Variants in ARHGAP21 observed in about 807,000 individuals in gnomAD.
ARHGAP21 encodes the protein Rho GTPase activating protein 21, also known as rho GTPase-activating protein 21.
ARHGAP21 carries 38 observed loss-of-function variants against 164.6 expected under a neutral mutation model. The observed-to-expected ratio is 0.23, with a 90% CI of 0.18 to 0.30. The LOEUF (loss-of-function observed/expected upper bound fraction) is 0.30. Among genes scored for constraint, ARHGAP21 ranks in the 10% least tolerant of loss-of-function variants. ARHGAP21 has a pLI of 1.00. For missense variants in ARHGAP21, 1,822 were observed against 2,370.7 expected (o/e 0.77, Z 4.81); for synonymous variants, 766 against 857.9 (o/e 0.89, Z 1.87).
intron 9 of ARHGAP21, among the ~76,000 whole-genome samples, chr10:24,617,319 A>G (rs1048354612): frequency 3.9e-5 from 6 of 152,178 alleles, no homozygotes; most frequent in Admixed American, 2.0e-4. Context: ...ATCTGATTAT[A>G]TTGTTGTTAT....
Position 24,620,299 on chromosome 10 carries a change from A to G in ARHGAP21, c.1596T>C (p.Thr532=). 2 of 1,613,972 alleles carry G rather than the reference A, an allele frequency of 1.2e-6. No individual in the cohort carries two copies. The highest frequency in any genetic ancestry group is 8.5e-7 in the Non-Finnish European group (1 of 1,179,868). ...AAATACCTCGTCTATCATCCTGTTCAGTAAACCCACTCCACTTGTAAGTCT... is the reference window on the plus strand; with the variant it reads ...AAATACCTCGTCTATCATCCTGTTCGGTAAACCCACTCCACTTGTAAGTCT... ...KKQTYKWSGF[T]EQDDRRGICE... Residue 532 remains threonine, a synonymous_variant, in exon 9 of 26, where the codon ACT becomes ACC. Transcript: ENST00000396432.
intron 16 of ARHGAP21, 47 bp from the exon 17 acceptor site, chr10:24,596,929 A>T (rs773345606): frequency 1.9e-5 from 30 of 1,566,968 alleles, no homozygotes; most frequent in Non-Finnish European, 2.4e-5. Flanking sequence ...AATGGAAATG[A>T]GTGTCTAAAT....
chr10:24,643,087 A>G (rs1304704588), intron 4 of ARHGAP21, among the ~76,000 whole-genome samples: 3 of 152,214 alleles, frequency 2.0e-5, no homozygotes, highest in African/African-American at 7.2e-5. Flanking sequence ...GGTGTCGGAC[A>G]TGAATCAAAA....
At chr10:24,707,239 A>C (rs763412380) in intron 2 of ARHGAP21, among the ~76,000 whole-genome samples, 2 of 152,226 alleles carry the variant, frequency 1.3e-5, no homozygotes, top group Non-Finnish European at 2.9e-5. Flanking sequence ...GAGGCTAAAG[A>C]CTTATCCTTT....
At chr10:24,619,424 G>T in intron 9 of ARHGAP21, 49 bp downstream of exon 9, 3 of 1,518,200 alleles carry the variant, frequency 2.0e-6, no homozygotes, top group South Asian at 1.3e-5. Context: ...TTTCTGGAAA[G>T]ATTTCTTATA....
Position 24,584,684 on chromosome 10 carries a change from C to G in ARHGAP21, c.5605G>C (p.Glu1869Gln). The G allele has an allele frequency of 3.7e-6, 6 of 1,613,968 alleles. No individual in the cohort carries two copies. Among genetic ancestry groups the G allele is most frequent in the Middle Eastern group, 1.7e-4 (1 of 6,056 alleles). ...TTCTCTGTCTGGGGATCTCCGATTT[C>G]TCCTCTGCTAAGGTCAGAGGTACTG... Reference protein sequence around the residue: ...RTSTSDLSRGEIGDPQTENPS... With the variant: ...RTSTSDLSRGQIGDPQTENPS... The change falls in exon 26 of 26, where the codon GAA becomes CAA. Residue 1869 changes from glutamate to glutamine, a missense_variant. Around this residue, in one of 5 missense-constraint regions of ARHGAP21, gnomAD observed 165 missense variants for 176.6 expected, o/e 0.93. Transcript: ENST00000396432.
At chr10:24,692,948 G>A (rs915457510) in intron 2 of ARHGAP21, among the ~76,000 whole-genome samples, 3 of 151,740 alleles carry the variant, frequency 2.0e-5, no homozygotes, top group Non-Finnish European at 4.4e-5. Flanking sequence ...CAACAACATG[G>A]ATACATTTCA....
chr10:24,598,904 C>T (rs963091211), intron 14 of ARHGAP21, among the ~76,000 whole-genome samples: 1 of 152,180 alleles, frequency 6.6e-6, no homozygotes, highest in Non-Finnish European at 1.5e-5. Context: ...TTTAGCCTCT[C>T]TTTGCCACTG....
At position 24,597,182 on chromosome 10, in the gene ARHGAP21, C is replaced by A. The variant is rs767618329; in HGVS notation, c.3334+265G>T. ...ATAGTTTTATTTCAAAATGATAGGACCTGAATCCTCGGAGTCATTTAAATT... is the reference window on the plus strand; with the variant it reads ...ATAGTTTTATTTCAAAATGATAGGAACTGAATCCTCGGAGTCATTTAAATT... On this transcript the variant is annotated intron_variant, in intron 16 of 25. Transcript: ENST00000396432. 7.7e-4 allele frequency among the ~76,000 whole-genome samples: 117 copies of A among 151,298 alleles called. No homozygotes were observed. The Middle Eastern group carries it at 0.01, about 14-fold the overall frequency.
intron 4 of ARHGAP21, among the ~76,000 whole-genome samples, chr10:24,650,934 A>G (rs1193051768): frequency 6.6e-6 from 1 of 152,084 alleles, no homozygotes; most frequent in African/African-American, 2.4e-5. Flanking sequence ...AGCTGCACAG[A>G]GCTTCCATCA....
At chr10:24,676,676 T>C (rs1841285348) in intron 2 of ARHGAP21, among the ~76,000 whole-genome samples, 1 of 152,160 alleles carries the variant, frequency 6.6e-6, no homozygotes, top group Non-Finnish European at 1.5e-5. Context: ...CCCCTAAATC[T>C]ATAAACATAA....
intron 5 of ARHGAP21, 75 bp downstream of exon 5, chr10:24,634,936 T>A: frequency 1.7e-6 from 2 of 1,151,842 alleles, no homozygotes; most frequent in East Asian, 2.6e-5. Context: ...AAGGAAAAAA[T>A]ATCGAACATG....
intron 2 of ARHGAP21, among the ~76,000 whole-genome samples, chr10:24,671,239 A>G (rs1479143089): frequency 6.6e-6 from 1 of 152,160 alleles, no homozygotes; most frequent in Non-Finnish European, 1.5e-5. Flanking sequence ...GGCCTGCTGT[A>G]CTTATGCAGG....
At chr10:24,660,556 C>G (rs1033936022) in intron 4 of ARHGAP21, among the ~76,000 whole-genome samples, 35 of 152,216 alleles carry the variant, frequency 2.3e-4, no homozygotes, top group Non-Finnish European at 2.9e-5. Context: ...TGAAAAGTCT[C>G]CCATCAGTAC....
chr10:24,668,853 T>C (rs554055606), intron 3 of ARHGAP21, among the ~76,000 whole-genome samples: 3 of 152,180 alleles, frequency 2.0e-5, no homozygotes, highest in Admixed American at 6.6e-5. Flanking sequence ...GGTAAAATTA[T>C]CTTATAAAAA....
intron 3 of ARHGAP21, among the ~76,000 whole-genome samples, chr10:24,667,562 G>T (rs552118595): frequency 6.6e-6 from 1 of 152,144 alleles, no homozygotes; most frequent in Admixed American, 6.5e-5. Context: ...CTGTCTTGCT[G>T]CCATGTTATC....
At chr10:24,688,187 T>G (rs1445913791) in intron 2 of ARHGAP21, among the ~76,000 whole-genome samples, 3 of 152,154 alleles carry the variant, frequency 2.0e-5, no homozygotes, top group African/African-American at 7.2e-5. Flanking sequence ...GGTCAGAAGT[T>G]CGAGGCCAGC....
intron 4 of ARHGAP21, chr10:24,648,886 G>A (rs1380774361): frequency 4.1e-6 from 4 of 984,234 alleles, no homozygotes; most frequent in Non-Finnish European, 4.8e-6. Context: ...GTCCTAGTCA[G>A]TCAGAAGACA....
At chr10:24,610,981 TGTTTTTTCA>T (rs2077232071) in intron 9 of ARHGAP21, among the ~76,000 whole-genome samples, 2 of 152,256 alleles carry the variant, frequency 1.3e-5, no homozygotes, top group African/African-American at 4.8e-5. Flanking sequence ...GATTTATAAC[TGTTTTTTCA>T]TCTCATAAAC....
Sources: allele counts gnomAD v4.1 joint callset (sites outside exome capture counted in the v4.1 genomes callset), GRCh38; gene constraint gnomAD v4.1.1; regional missense constraint gnomAD v4.1.1; transcripts MANE v1.5; gene names NCBI Gene and HGNC (gene_info 2026-07-23, HGNC 2026-07-21).